SLC2A14: variants seen among roughly 807,000 people sequenced by gnomAD.
SLC2A14 encodes the protein solute carrier family 2, facilitated glucose transporter member 14.
SLC2A14 carries 13 observed loss-of-function variants against 43.0 expected under a neutral mutation model. The observed-to-expected ratio is 0.30, with a 90% confidence interval of 0.20 to 0.48. The LOEUF is 0.48. Among genes scored for constraint, SLC2A14 ranks in the 20% least tolerant of loss-of-function variants. SLC2A14 has a pLI of 0.99. For synonymous variants in SLC2A14, 190 were observed against 233.8 expected (o/e 0.81, Z 1.71); for missense variants, 428 against 620.4 (o/e 0.69, Z 3.29).
At chr12:7,865,599 C>T (rs73057352) in intron 2 of SLC2A14, among the ~76,000 whole-genome samples, 4,481 of 151,930 alleles carry the variant, frequency 0.029, 96 homozygotes, top group Non-Finnish European at 0.042. Context: ...ATACTGTATG[C>T]ATTCTGACTG....
Position 7,854,872 on chromosome 12 carries a change from G to A in SLC2A14, c.18+14991C>T, listed in dbSNP as rs542047627. Reference sequence around the variant, plus strand: ...GTCACCCAGTCTGGAGTGTAGTGGCGCGATCTCAGCTCAATGCAACCTCCG... The same window carrying A: ...GTCACCCAGTCTGGAGTGTAGTGGCACGATCTCAGCTCAATGCAACCTCCG... On this transcript the variant is annotated intron_variant, in intron 2 of 10. Coordinates refer to ENST00000431042, the MANE Select transcript of SLC2A14 (RefSeq NM_001286234.2). Among the ~76,000 whole-genome samples the A allele has an allele frequency of 3.9e-4, 59 of 151,354 alleles. 1 individual carries two copies. Among genetic ancestry groups the A allele is most frequent in the Non-Finnish European group, 6.3e-4 (43 of 67,856 alleles).
At chr12:7,843,403 C>T (rs887827054) in intron 2 of SLC2A14, among the ~76,000 whole-genome samples, 1 of 138,274 alleles carries the variant, frequency 7.2e-6, no homozygotes, top group Non-Finnish European at 1.6e-5. Context: ...TACTGGAAGG[C>T]TCCTCGGGCA....
chr12:7,855,351 G>A (rs1271596636), intron 2 of SLC2A14, among the ~76,000 whole-genome samples: 3 of 151,942 alleles, frequency 2.0e-5, no homozygotes, highest in Non-Finnish European at 4.4e-5. Context: ...GTTGCCCATA[G>A]ACTGGTCTCA....
chr12:7,866,471 T>G (rs1473780084), intron 2 of SLC2A14, among the ~76,000 whole-genome samples: 3 of 151,976 alleles, frequency 2.0e-5, no homozygotes, highest in African/African-American at 7.2e-5. Context: ...TTCAAGCTAT[T>G]GTCCTGCCTC....
At chr12:7,852,731 C>T (rs1321512875) in intron 2 of SLC2A14, among the ~76,000 whole-genome samples, 1 of 152,052 alleles carries the variant, frequency 6.6e-6, no homozygotes, top group East Asian at 1.9e-4. Context: ...AGCAAGTCAC[C>T]ACTGTTTGAG....
chr12:7,831,493 A>C, intron 4 of SLC2A14, 111 bp downstream of exon 4: 1 of 1,499,832 alleles, frequency 6.7e-7, no homozygotes, highest in Non-Finnish European at 9.0e-7. Context: ...CTTGATTAGA[A>C]TTCAAGGTGT....
chr12:7,883,323 A>G (rs1945624603), intron 1 of SLC2A14, among the ~76,000 whole-genome samples: 1 of 127,692 alleles, frequency 7.8e-6, no homozygotes, highest in Non-Finnish European at 1.6e-5. Context: ...GGTGGAGTGC[A>G]GGGGCGTGAT....
At chr12:7,888,629 C>A (rs1945724304) in intron 1 of SLC2A14, among the ~76,000 whole-genome samples, 1 of 151,810 alleles carries the variant, frequency 6.6e-6, no homozygotes, top group African/African-American at 2.4e-5. Flanking sequence ...GAAACCCCGT[C>A]TCTACTAAAA....
intron 1 of SLC2A14, among the ~76,000 whole-genome samples, chr12:7,890,032 C>T (rs1945749455): frequency 6.6e-6 from 1 of 152,112 alleles, no homozygotes; most frequent in Non-Finnish European, 1.5e-5. Flanking sequence ...TAGGTTTTGG[C>T]TGGCTCCTTT....
intron 2 of SLC2A14, among the ~76,000 whole-genome samples, chr12:7,855,473 T>C (rs1270861001): frequency 1.3e-5 from 2 of 151,648 alleles, no homozygotes; most frequent in Admixed American, 1.3e-4. Context: ...ACCCCCTTGC[T>C]CCCCAAATGG....
chr12:7,862,221 G>GTA, intron 2 of SLC2A14, among the ~76,000 whole-genome samples: 1 of 130,828 alleles, frequency 7.6e-6, no homozygotes, highest in Non-Finnish European at 1.5e-5. Context: ...CCGAGATCAC[G>GTA]CCACTGCACT....
At chr12:7,847,996 G>A (rs1231363901) in intron 2 of SLC2A14, among the ~76,000 whole-genome samples, 1 of 151,910 alleles carries the variant, frequency 6.6e-6, no homozygotes, top group Non-Finnish European at 1.5e-5. Flanking sequence ...CAAACCCAGG[G>A]ACCTGAAATA....
chr12:7,884,073 G>A (rs1241648742), intron 1 of SLC2A14, among the ~76,000 whole-genome samples: 9 of 148,990 alleles, frequency 6.0e-5, no homozygotes, highest in Non-Finnish European at 1.3e-4. Context: ...ACAGGCGCCT[G>A]CCACCACAAC....
chr12:7,872,495 C>T (rs1306806793), intron 1 of SLC2A14: 1 of 152,438 alleles, frequency 6.6e-6, no homozygotes, highest in Non-Finnish European at 1.5e-5. Flanking sequence ...CATTTTGTTA[C>T]GTATCTATAC....
intron 2 of SLC2A14, among the ~76,000 whole-genome samples, chr12:7,843,268 G>A (rs115713512): frequency 0.013 from 2,024 of 150,164 alleles, 20 homozygotes; most frequent in African/African-American, 0.047. Context: ...CTGCTGAGTA[G>A]AAAGCCGGTG....
intron 2 of SLC2A14, among the ~76,000 whole-genome samples, chr12:7,855,672 C>A (rs1867304323): frequency 7.8e-6 from 1 of 128,158 alleles, no homozygotes; most frequent in Non-Finnish European, 1.8e-5. Context: ...GGGTCTCACT[C>A]TGATGCCCAG....
intron 1 of SLC2A14, among the ~76,000 whole-genome samples, chr12:7,882,968 C>T (rs961568884): frequency 2.7e-4 from 41 of 151,802 alleles, no homozygotes; most frequent in Middle Eastern, 6.9e-3. Flanking sequence ...CCCAGGACTT[C>T]GGGAGGCCAA....
chr12:7,860,466 CTTGGAACCAGAGGTGATA>C (rs1944487323), intron 2 of SLC2A14: 1 of 152,078 alleles, frequency 6.6e-6, no homozygotes, highest in Admixed American at 6.6e-5. Flanking sequence ...GAAATACACT[CTTGGAACCAGAGGTGATA>C]ATTCACTGAA....
At chr12:7,886,687 G>A (rs1447182220) in intron 1 of SLC2A14, among the ~76,000 whole-genome samples, 1 of 151,986 alleles carries the variant, frequency 6.6e-6, no homozygotes, top group Non-Finnish European at 1.5e-5. Flanking sequence ...AGGAAGGAAG[G>A]AAGACTGTTA....
Sources: allele counts gnomAD v4.1 joint callset (sites outside exome capture counted in the v4.1 genomes callset), GRCh38; gene constraint gnomAD v4.1.1; transcripts MANE v1.5; gene names NCBI Gene and HGNC (gene_info 2026-07-23, HGNC 2026-07-21).